Variants in GYG2 observed in about 807,000 individuals in gnomAD.
GYG2 encodes glycogenin 2, also known as glycogenin-2.
Under a neutral mutation model 29.4 loss-of-function variants are expected in GYG2, and 29 were observed. That is an observed-to-expected ratio of 0.99 (90% confidence interval 0.74 to 1.35). The LOEUF (loss-of-function observed/expected upper bound fraction) is 1.35, where lower values mean the gene tolerates loss of function less well. GYG2 is among the 40% of genes most tolerant of loss of function. GYG2 has a pLI of 0.00. For synonymous variants in GYG2, 167 were observed against 172.3 expected (o/e 0.97, Z 0.24); for missense variants, 370 against 385.7 (o/e 0.96, Z 0.34).
At chrX:2,850,961 A>G (rs747828808) in intron 3 of GYG2, among the ~76,000 whole-genome samples, 22 of 111,735 alleles carry the variant, frequency 2.0e-4, no homozygotes, top group Non-Finnish European at 2.3e-4. Context: ...AGAAAATCTG[A>G]TATATGTAAA....
At chrX:2,864,002 T>C (rs1220308851) in intron 8 of GYG2, among the ~76,000 whole-genome samples, 1 of 112,252 alleles carries the variant, frequency 8.9e-6, no homozygotes, top group East Asian at 2.8e-4. Flanking sequence ...CCAAGAATGC[T>C]GTGGCATTCA....
chrX:2,843,260 C>T lies in GYG2; in HGVS notation c.55C>T (p.Gln19Ter). Reference sequence around the variant, plus strand: ...ACTAGCCACCAATGACATCTACTGCCAGGGCGCCCTGGTCCTGGGGCAGTC... The same window carrying T: ...ACTAGCCACCAATGACATCTACTGCTAGGGCGCCCTGGTCCTGGGGCAGTC... ...VTLATNDIYC[Q>*]GALVLGQSLR... The change falls in exon 3 of 11, where the codon CAG becomes TAG. Residue 19 changes from glutamine (Q) to a stop codon, truncating the protein, a stop_gained. Transcript: ENST00000398806. LOFTEE classifies it high-confidence loss of function. The T allele has an allele frequency of 4.2e-6, 5 of 1,199,183 alleles. No individual in the cohort carries two copies. Among genetic ancestry groups the T allele is most frequent in the Non-Finnish European group, 5.7e-6 (5 of 884,180 alleles).
chrX:2,844,600 A>ACACGCATGCGTATATGTGTATACGCG (rs2087594543), intron 3 of GYG2, among the ~76,000 whole-genome samples: 1 of 51,933 alleles, frequency 1.9e-5, no homozygotes, highest in Non-Finnish European at 3.3e-5. Context: ...GTGTATACGC[A>ACACGCATGCGTATATGTGTATACGCG]CACGCATGCG....
intron 6 of GYG2, among the ~76,000 whole-genome samples, chrX:2,858,271 C>T (rs918128423): frequency 3.9e-5 from 3 of 77,202 alleles, no homozygotes; most frequent in Non-Finnish European, 6.4e-5. Flanking sequence ...GACCAGCCTG[C>T]GCAACATGAT....
At chrX:2,846,287 G>A (rs1183359803) in intron 3 of GYG2, among the ~76,000 whole-genome samples, 2 of 105,127 alleles carry the variant, frequency 1.9e-5, no homozygotes, top group African/African-American at 3.5e-5. Flanking sequence ...GGCTGGTCTC[G>A]AACGCCTGAC....
At position 2,863,084 on chromosome X, in the gene GYG2, T is replaced by G. The variant is rs2088209869; in HGVS notation, c.1038+1362T>G. On this transcript the variant is annotated intron_variant, in intron 8 of 10. Coordinates refer to ENST00000398806, the MANE Select transcript of GYG2 (RefSeq NM_001079855.2). Reference sequence around the variant, plus strand: ...CAAAGAAAAAAAAAAAGAAATCTTTTTTTTTTTTGAGGCGGAGTCTCTCTC... The same window carrying G: ...CAAAGAAAAAAAAAAAGAAATCTTTGTTTTTTTTGAGGCGGAGTCTCTCTC... Among the ~76,000 whole-genome samples the G allele has an allele frequency of 3.7e-5, 4 of 107,730 alleles. No individual in the cohort carries two copies. In the Admixed American group the frequency reaches 3.9e-4, roughly 11 times the overall value. The allele number at this position is 107,730 out of a possible 115,157, so 93.6% of individuals were successfully genotyped here. A position where few individuals can be genotyped will look rare whatever the true frequency, so the allele number is the denominator to read the frequency against.
rs772782859 is a variant in GYG2 at position 2,856,493 on chromosome X, T to C, written c.488-5T>C. ...AACCTGCTTTTGTGTTTGCTCATTA[T>C]GTAGGGGCAGACCAAGGCTTACTGA... On this transcript the variant is annotated splice_polypyrimidine_tract_variant and splice_region_variant and intron_variant, in intron 5 of 10. Transcript: ENST00000398806. The C allele has an allele frequency of 1.7e-6, 2 of 1,207,414 alleles. No homozygotes were observed. Among genetic ancestry groups the C allele is most frequent in the African/African-American group, 3.5e-5 (2 of 56,902 alleles).
intron 3 of GYG2, among the ~76,000 whole-genome samples, chrX:2,846,055 A>ATATATATATATATT (rs2087723665): frequency 5.2e-5 from 2 of 38,675 alleles, no homozygotes. Flanking sequence ...ATATATATAT[A>ATATATATATATATT]TTTTTTTTTT....
intron 3 of GYG2, among the ~76,000 whole-genome samples, chrX:2,845,655 G>T (rs776952553): frequency 1.9e-5 from 2 of 105,061 alleles, no homozygotes; most frequent in African/African-American, 6.9e-5. Context: ...GCATGTGTAT[G>T]TACATACATT....
intron 2 of GYG2, among the ~76,000 whole-genome samples, chrX:2,840,853 T>C (rs1262071425): frequency 3.6e-5 from 4 of 111,200 alleles, no homozygotes; most frequent in East Asian, 2.8e-4. Context: ...ATAATAGAGA[T>C]ACATGATAGT....
chrX:2,839,740 G>A (rs1209902031), intron 2 of GYG2, among the ~76,000 whole-genome samples: 3 of 111,583 alleles, frequency 2.7e-5, no homozygotes, highest in African/African-American at 9.8e-5. Context: ...CTTTACAATG[G>A]CGAATTTTAT....
intron 2 of GYG2, among the ~76,000 whole-genome samples, chrX:2,838,156 A>G (rs2087418939): frequency 8.9e-6 from 1 of 111,881 alleles, no homozygotes; most frequent in African/African-American, 3.3e-5. Flanking sequence ...TGGCCTGGGT[A>G]TAGAAATTTA....
chrX:2,859,967 G>A lies in GYG2; in HGVS notation c.739G>A (p.Ala247Thr), dbSNP rs199761827. ...AGCGTCCAGCAGCCAGCACCAGGCGGCATTCCTTCATCTCTGGTGGACGGT... is the reference window on the plus strand; with the variant it reads ...AGCGTCCAGCAGCCAGCACCAGGCGACATTCCTTCATCTCTGGTGGACGGT... ...GSASSSQHQA[A>T]FLHLWWTVYQ... is the part of the protein sequence containing the mutation. The change falls in exon 7 of 11, where the codon GCA becomes ACA. Residue 247 changes from alanine to threonine, a missense_variant. Transcript: ENST00000398806. 4.2e-5 allele frequency: 51 copies of A among 1,201,732 alleles called. No homozygotes were observed. In the Middle Eastern group the frequency reaches 9.2e-4, roughly 22 times the overall value.
chrX:2,830,827 G>T (rs144639759), intron 2 of GYG2, among the ~76,000 whole-genome samples: 1,232 of 112,534 alleles, frequency 0.011, 20 homozygotes, highest in African/African-American at 0.038. Context: ...GGAAGCTGAG[G>T]TGGGAGGGTC....
intron 2 of GYG2, among the ~76,000 whole-genome samples, chrX:2,841,183 G>A (rs1472265461): frequency 1.8e-5 from 2 of 108,973 alleles, no homozygotes; most frequent in Non-Finnish European, 3.8e-5. Flanking sequence ...GACAATGGAT[G>A]GATGGATATA....
chrX:2,869,505 G>C (rs746212611), intron 8 of GYG2, among the ~76,000 whole-genome samples: 3 of 112,014 alleles, frequency 2.7e-5, no homozygotes, highest in Non-Finnish European at 3.8e-5. Flanking sequence ...ATTTAGGGGA[G>C]CTGAAACACA....
chrX:2,856,792 T>TATCTATCTATC (rs1569064717), intron 6 of GYG2, among the ~76,000 whole-genome samples, 168 bp downstream of exon 6: 4 of 61,392 alleles, frequency 6.5e-5, no homozygotes, highest in Admixed American at 3.8e-4. Context: ...ATCTATCATC[T>TATCTATCTATC]ATCTATCATC....
chrX:2,863,194 C>T (rs1029545797), intron 8 of GYG2, among the ~76,000 whole-genome samples: 1 of 109,656 alleles, frequency 9.1e-6, no homozygotes, highest in Non-Finnish European at 1.9e-5. Context: ...CCTGCCTCAG[C>T]CTCCCGAGTA....
intron 2 of GYG2, among the ~76,000 whole-genome samples, chrX:2,833,867 A>C (rs779365249): frequency 7.0e-4 from 79 of 112,462 alleles, no homozygotes; most frequent in African/African-American, 2.1e-3. Context: ...TGTCCTCTGC[A>C]CCTTGCTTTG....
Sources: allele counts gnomAD v4.1 joint callset (sites outside exome capture counted in the v4.1 genomes callset), GRCh38; gene constraint gnomAD v4.1.1; transcripts MANE v1.5; gene names NCBI Gene and HGNC (gene_info 2026-07-23, HGNC 2026-07-21).